Variants in SLC35F4 observed in about 807,000 individuals in gnomAD.
SLC35F4 encodes solute carrier family 35 member F4.
SLC35F4 carries 24 observed loss-of-function variants against 44.2 expected under a neutral mutation model. The ratio of observed to expected loss-of-function variants is 0.54; its 90% CI spans 0.39 to 0.76. The LOEUF (loss-of-function observed/expected upper bound fraction) is 0.76. Among genes scored for constraint, SLC35F4 ranks in the 30% least tolerant of loss-of-function variants. SLC35F4 has a pLI of 0.00. For synonymous variants in SLC35F4, 238 were observed against 223.6 expected (o/e 1.06, Z -0.57); for missense variants, 562 against 586.1 (o/e 0.96, Z 0.42).
chr14:57,579,521 G>C (rs934443780), intron 4 of SLC35F4: 2 of 152,050 alleles, frequency 1.3e-5, no homozygotes, highest in Non-Finnish European at 2.9e-5. Context: ...ATATCTAATG[G>C]TGAAAATATG....
At chr14:57,973,577 C>T (rs1881118503), downstream of SLC35F4, among the ~76,000 whole-genome samples, 1 of 152,076 alleles carries the variant, frequency 6.6e-6, no homozygotes, top group South Asian at 2.1e-4. Flanking sequence ...AATGTTGTGG[C>T]CCAATCACAG....
chr14:57,867,821 T>C (rs2031628067), upstream of SLC35F4, among the ~76,000 whole-genome samples: 1 of 152,124 alleles, frequency 6.6e-6, no homozygotes, highest in Non-Finnish European at 1.5e-5. Flanking sequence ...AGCACATTAA[T>C]ATATATATCA....
At chr14:57,644,842 T>C (rs1238467666) in intron 1 of SLC35F4, among the ~76,000 whole-genome samples, 2 of 152,356 alleles carry the variant, frequency 1.3e-5, no homozygotes, top group East Asian at 3.9e-4. Context: ...TACATGTGGC[T>C]AGCCAGTTTT....
chr14:57,732,417 G>A (rs2076364869), intron 1 of SLC35F4, among the ~76,000 whole-genome samples: 1 of 152,148 alleles, frequency 6.6e-6, no homozygotes, highest in African/African-American at 2.4e-5. Flanking sequence ...TTATGTAACA[G>A]GAAAAGCTTT....
At position 57,696,293 on chromosome 14, in the gene SLC35F4, A is replaced by T. The variant is rs942779456; in HGVS notation, c.104-102169T>A. On this transcript the variant is annotated intron_variant, in intron 1 of 7. Transcript: ENST00000556826. ...AGACACTTCTCAAAAGAAGGCATTTACGCAGCCAACAAACATGAAAAAAAG... is the reference window on the plus strand; with the variant it reads ...AGACACTTCTCAAAAGAAGGCATTTTCGCAGCCAACAAACATGAAAAAAAG... Among the ~76,000 whole-genome samples the T allele has an allele frequency of 2.6e-5, 4 of 152,228 alleles. No individual in the cohort carries two copies. The South Asian group carries it at 6.2e-4, about 24-fold the overall frequency.
intron 1 of SLC35F4, among the ~76,000 whole-genome samples, chr14:57,908,251 A>G (rs1889146632): frequency 6.6e-6 from 1 of 152,208 alleles, no homozygotes; most frequent in Non-Finnish European, 1.5e-5. Context: ...TGCAATAAAC[A>G]TATGTGTGCA....
intron 1 of SLC35F4, among the ~76,000 whole-genome samples, chr14:57,918,256 C>G (rs182179108): frequency 6.6e-6 from 1 of 152,228 alleles, no homozygotes; most frequent in Admixed American, 6.5e-5. Flanking sequence ...GACTCGGTCT[C>G]CCTGGAGTTT....
At chr14:57,614,683 C>T (rs1181594937) in intron 1 of SLC35F4, among the ~76,000 whole-genome samples, 5 of 152,144 alleles carry the variant, frequency 3.3e-5, no homozygotes, top group Non-Finnish European at 5.9e-5. Flanking sequence ...GCCCAGCTGT[C>T]ACAGTAGAGG....
chr14:57,977,840 A>C (rs755195557), intron 1 of SLC35F4, among the ~76,000 whole-genome samples: 1 of 152,146 alleles, frequency 6.6e-6, no homozygotes, highest in Non-Finnish European at 1.5e-5. Flanking sequence ...ACAGTGGAGA[A>C]AGGAAATCTT....
intron 1 of SLC35F4, among the ~76,000 whole-genome samples, chr14:57,788,824 G>C (rs953132307): frequency 6.6e-6 from 1 of 152,172 alleles, no homozygotes; most frequent in Non-Finnish European, 1.5e-5. Context: ...TCAGACCACA[G>C]TGTAATCAAA....
intron 1 of SLC35F4, among the ~76,000 whole-genome samples, chr14:57,738,694 T>C (rs550705408): frequency 3.6e-4 from 54 of 148,550 alleles, no homozygotes; most frequent in Middle Eastern, 3.6e-3. Context: ...AGATATACCA[T>C]TCTAAATTTA....
At chr14:57,725,235 T>C (rs2076173913) in intron 1 of SLC35F4, among the ~76,000 whole-genome samples, 1 of 152,020 alleles carries the variant, frequency 6.6e-6, no homozygotes. Flanking sequence ...GGGATGAAGG[T>C]TGCACATGGG....
intron 1 of SLC35F4, among the ~76,000 whole-genome samples, chr14:57,608,487 G>C (rs1258999372): frequency 6.6e-6 from 1 of 152,156 alleles, no homozygotes; most frequent in Non-Finnish European, 1.5e-5. Flanking sequence ...TAGAAGCTAT[G>C]GGGGAGGTGG....
At chr14:57,655,797 A>G (rs1218720782) in intron 1 of SLC35F4, among the ~76,000 whole-genome samples, 1 of 152,108 alleles carries the variant, frequency 6.6e-6, no homozygotes, top group African/African-American at 2.4e-5. Flanking sequence ...ATGACTCACA[A>G]CCAATTACCA....
At chr14:57,621,050 G>A (rs1184384468) in intron 1 of SLC35F4, among the ~76,000 whole-genome samples, 5 of 151,344 alleles carry the variant, frequency 3.3e-5, no homozygotes, top group Middle Eastern at 6.8e-3. Context: ...CAAATCATGA[G>A]TGAACTCCCA....
chr14:57,744,705 G>A (rs1047925308), intron 1 of SLC35F4, among the ~76,000 whole-genome samples: 1 of 151,770 alleles, frequency 6.6e-6, no homozygotes, highest in Admixed American at 6.6e-5. Flanking sequence ...TCTTCAGAAA[G>A]AAAGCTGACT....
At chr14:57,874,284 C>T (rs1341941200) in intron 1 of SLC35F4, among the ~76,000 whole-genome samples, 1 of 152,134 alleles carries the variant, frequency 6.6e-6, no homozygotes, top group Non-Finnish European at 1.5e-5. Flanking sequence ...GTAATCTTCT[C>T]GACAGTGCAT....
upstream of SLC35F4, among the ~76,000 whole-genome samples, chr14:57,867,210 A>T (rs1402750813): frequency 6.6e-6 from 1 of 152,162 alleles, no homozygotes; most frequent in African/African-American, 2.4e-5. Flanking sequence ...AGAAACCTCC[A>T]GAGAACCTAT....
intron 1 of SLC35F4, among the ~76,000 whole-genome samples, chr14:57,728,826 G>C (rs1363181381): frequency 6.6e-6 from 1 of 152,038 alleles, no homozygotes; most frequent in African/African-American, 2.4e-5. Context: ...ACTCCCTTTA[G>C]CATTTCTTTT....
Sources: gnomAD v4.1 joint callset for allele counts (sites outside exome capture counted in the v4.1 genomes callset) on GRCh38, gnomAD v4.1.1 for gene constraint, MANE v1.5 for transcripts, NCBI Gene and HGNC (gene_info 2026-07-23, HGNC 2026-07-21) for gene names.